Variants in KLF8 observed in about 807,000 individuals in gnomAD.
The protein encoded by KLF8 is KLF transcription factor 8, also known as Krueppel-like factor 8.
A neutral mutation model predicts 18.2 loss-of-function variants in KLF8; 10 were observed. The observed-to-expected ratio is 0.55, with a 90% CI of 0.34 to 0.93. The LOEUF (loss-of-function observed/expected upper bound fraction) is 0.93. Among genes scored for constraint, KLF8 ranks in the 40% least tolerant of loss-of-function variants. The pLI is 0.02. For synonymous variants in KLF8, 109 were observed against 97.3 expected (o/e 1.12, Z -0.71); for missense variants, 264 against 277.9 (o/e 0.95, Z 0.36).
chrX:56,083,953 G>A, the KLF8 span, among the ~76,000 whole-genome samples: 12 of 111,586 alleles, frequency 1.1e-4, no homozygotes, highest in Non-Finnish European at 2.3e-4. Context: ...TAAAGTTTGG[G>A]GACCACTGAT....
the KLF8 span, among the ~76,000 whole-genome samples, chrX:55,988,630 TAGCATGATGCCTC>T: frequency 2.7e-5 from 3 of 111,782 alleles, no homozygotes; most frequent in African/African-American, 9.8e-5. Context: ...TGAAGTCAGG[TAGCATGATGCCTC>T]CAGCTTTGTT....
the KLF8 span, chrX:55,908,361 G>C: frequency 4.2e-5 from 12 of 287,674 alleles, no homozygotes; most frequent in African/African-American, 5.5e-5. Context: ...GAACAACCAA[G>C]TTGTGCGATG....
At chrX:56,164,390 C>T in the KLF8 span, among the ~76,000 whole-genome samples, 1 of 90,097 alleles carries the variant, frequency 1.1e-5, no homozygotes, top group East Asian at 3.4e-4. Context: ...CTAGTAAAAT[C>T]ACAGAGCAGG....
the KLF8 span, among the ~76,000 whole-genome samples, chrX:56,172,432 G>A: frequency 9.0e-6 from 1 of 111,367 alleles, no homozygotes; most frequent in Non-Finnish European, 1.9e-5. Context: ...CAAAGGACAT[G>A]AACTCACATT....
At chrX:56,220,158 A>G in the KLF8 span, among the ~76,000 whole-genome samples, 1 of 112,525 alleles carries the variant, frequency 8.9e-6, no homozygotes, top group East Asian at 2.8e-4. Flanking sequence ...GTCGGTTTAT[A>G]ACACCTGTAG....
the KLF8 span, among the ~76,000 whole-genome samples, chrX:56,096,922 A>G: frequency 9.0e-6 from 1 of 111,541 alleles, no homozygotes; most frequent in Non-Finnish European, 1.9e-5. Flanking sequence ...CTAAAAGAAC[A>G]TTGTGAACAA....
At chrX:55,989,574 G>A in the KLF8 span, among the ~76,000 whole-genome samples, 12 of 112,092 alleles carry the variant, frequency 1.1e-4, no homozygotes, top group African/African-American at 3.9e-4. Flanking sequence ...TGGTGGATAA[G>A]CTTTTTGATG....
At chrX:56,146,447 G>GA in the KLF8 span, among the ~76,000 whole-genome samples, 1 of 111,288 alleles carries the variant, frequency 9.0e-6, no homozygotes, top group African/African-American at 3.3e-5. Context: ...TCATTCTCAG[G>GA]AAACTAACAC....
chrX:56,203,686 C>T, the KLF8 span, among the ~76,000 whole-genome samples: 1 of 111,897 alleles, frequency 8.9e-6, no homozygotes, highest in African/African-American at 3.2e-5. Flanking sequence ...AGAGATGGTC[C>T]ATTCCCCAAT....
At chrX:55,997,523 C>T in the KLF8 span, among the ~76,000 whole-genome samples, 1 of 111,513 alleles carries the variant, frequency 9.0e-6, no homozygotes, top group Non-Finnish European at 1.9e-5. Flanking sequence ...AGTATGATTC[C>T]TGGTGCTTGA....
chrX:55,946,294 A>G, the KLF8 span, among the ~76,000 whole-genome samples: 1 of 111,773 alleles, frequency 8.9e-6, no homozygotes. Flanking sequence ...AGAGATGTAG[A>G]TCAATGGAAT....
At chrX:56,107,710 G>A in the KLF8 span, among the ~76,000 whole-genome samples, 17 of 111,132 alleles carry the variant, frequency 1.5e-4, no homozygotes, top group South Asian at 3.8e-4. Context: ...GCTTCAGGTC[G>A]CCCTCCGTGT....
At chrX:56,209,650 A>T in the KLF8 span, among the ~76,000 whole-genome samples, 4 of 110,490 alleles carry the variant, frequency 3.6e-5, no homozygotes, top group East Asian at 1.1e-3. Context: ...GTAAATAAGG[A>T]CTTACTTTGC....
chrX:55,932,008 C>T, the KLF8 span, among the ~76,000 whole-genome samples: 2 of 110,372 alleles, frequency 1.8e-5, no homozygotes, highest in Admixed American at 9.6e-5. Context: ...GTCTAAGTCT[C>T]TTTGTAAGTC....
At chrX:56,179,208 T>A in the KLF8 span, among the ~76,000 whole-genome samples, 2 of 112,157 alleles carry the variant, frequency 1.8e-5, no homozygotes, top group Non-Finnish European at 1.9e-5. Context: ...ATCTTTCACA[T>A]CCCTTGTAAT....
the KLF8 span, among the ~76,000 whole-genome samples, chrX:56,062,754 G>C: frequency 9.0e-6 from 1 of 111,329 alleles, no homozygotes; most frequent in Non-Finnish European, 1.9e-5. Context: ...ATCCAGGAGA[G>C]TGTTTTCCAA....
At chrX:56,165,277 G>C in the KLF8 span, among the ~76,000 whole-genome samples, 1 of 111,927 alleles carries the variant, frequency 8.9e-6, no homozygotes, top group East Asian at 2.8e-4. Flanking sequence ...TATCTGCAAA[G>C]CCAGATTCGA....
chrX:56,183,382 G>A, the KLF8 span, among the ~76,000 whole-genome samples: 1 of 111,985 alleles, frequency 8.9e-6, no homozygotes, highest in Non-Finnish European at 1.9e-5. Context: ...GCTCCCCTTG[G>A]CTAGGAAAGG....
the KLF8 span, among the ~76,000 whole-genome samples, chrX:55,981,968 T>C: frequency 9.0e-6 from 1 of 111,269 alleles, no homozygotes; most frequent in Non-Finnish European, 1.9e-5. Flanking sequence ...TAGGGCTTTT[T>C]TTCTGGCTTT....
Sources: gnomAD v4.1 joint callset for allele counts (sites outside exome capture counted in the v4.1 genomes callset) on GRCh38, gnomAD v4.1.1 for gene constraint, MANE v1.5 for transcripts, NCBI Gene and HGNC (gene_info 2026-07-23, HGNC 2026-07-21) for gene names.